Variants in ZNF251 observed in about 807,000 individuals in gnomAD.
The protein encoded by ZNF251 is zinc finger protein 251.
A neutral mutation model predicts 13.5 loss-of-function variants in ZNF251; 14 were observed. The observed-to-expected ratio is 1.04, with a 90% CI of 0.69 to 1.63. ZNF251 has a LOEUF of 1.63. ZNF251 is among the 40% of genes most tolerant of loss of function. The probability of loss-of-function intolerance (pLI) is 0.00; values close to 1 mark genes in which losing one functional copy is unlikely to be tolerated. For missense variants in ZNF251, 764 were observed against 834.9 expected, an observed-to-expected ratio of 0.92 and a Z score of 1.05; for synonymous variants, 287 against 295.2, an observed-to-expected ratio of 0.97 and a Z score of 0.28.
At chr8:144,752,706 T>G (rs1316736090) in intron 4 of ZNF251, among the ~76,000 whole-genome samples, 3 of 152,124 alleles carry the variant, frequency 2.0e-5, no homozygotes, top group Non-Finnish European at 4.4e-5. Flanking sequence ...ATGGGGAAAT[T>G]TTTGGTAAAA....
intron 4 of ZNF251, among the ~76,000 whole-genome samples, chr8:144,752,134 C>CAAAAAA (rs1563772285): frequency 5.5e-5 from 7 of 127,294 alleles, no homozygotes; most frequent in African/African-American, 2.3e-4. Flanking sequence ...AATAACTAGA[C>CAAAAAA]CAAAAAAAAA....
At chr8:144,727,916 G>A (rs576530068) in intron 4 of ZNF251, among the ~76,000 whole-genome samples, 11 of 152,252 alleles carry the variant, frequency 7.2e-5, no homozygotes, top group African/African-American at 2.4e-4. Flanking sequence ...GGGCTCAAGC[G>A]ATCCTCCTGT....
chr8:144,738,672 C>T (rs1824012686), intron 4 of ZNF251: 4 of 985,332 alleles, frequency 4.1e-6, no homozygotes, highest in Non-Finnish European at 4.8e-6. Flanking sequence ...GGAAACAGCA[C>T]AGTTCTCTCG....
intron 4 of ZNF251, among the ~76,000 whole-genome samples, chr8:144,746,328 T>A (rs1459829508): frequency 6.6e-6 from 1 of 152,240 alleles, no homozygotes; most frequent in African/African-American, 2.4e-5. Context: ...CTTGTAAACC[T>A]GGGACAAATC....
chr8:144,732,644 C>A (rs935924726), intron 4 of ZNF251, among the ~76,000 whole-genome samples: 1 of 151,650 alleles, frequency 6.6e-6, no homozygotes, highest in Admixed American at 6.6e-5. Context: ...AACCCCGTCT[C>A]TACTAAAAAT....
intron 4 of ZNF251, among the ~76,000 whole-genome samples, chr8:144,743,132 G>C (rs2730064): frequency 0.84 from 127,879 of 152,210 alleles, 54,266 homozygotes; most frequent in East Asian, 1. Context: ...GGCACCATCT[G>C]GGCTCACTGC....
chr8:144,728,205 GGA>G lies in ZNF251; in HGVS notation c.278-4825_278-4824del, dbSNP rs749741902. On this transcript the variant is annotated intron_variant, in intron 4 of 4. Coordinates refer to ENST00000292562, the MANE Select transcript of ZNF251 (RefSeq NM_138367.2). ...AGTCTCAGGGAATATGGAGGCCCTAGGAGAGAGAGAGGGAGGTAGGGAATGGC... is the reference window on the plus strand; with the variant it reads ...AGTCTCAGGGAATATGGAGGCCCTAGGAGAGAGAGGGAGGTAGGGAATGGC... Among the ~76,000 whole-genome samples the G allele has an allele frequency of 1.4e-3, 213 of 152,154 alleles. 1 individual carries two copies. The highest frequency in any genetic ancestry group is 4.9e-3 in the African/African-American group (202 of 41,502).
rs1824818814 is a variant in ZNF251 at position 144,753,802 on chromosome 8, G to A, written c.164-6C>T. 1 of 1,560,512 alleles carries A rather than the reference G, an allele frequency of 6.4e-7. No individual in the cohort carries two copies. Among genetic ancestry groups the A allele is most frequent in the Non-Finnish European group, 8.7e-7 (1 of 1,150,820 alleles). The stretch of plus-strand genomic sequence containing the variant: ...CGGCTTAGGGACAGGGAATCCTGTT[G>A]AGGATGAGGACACTGGTGAGCTGGC... On this transcript the variant is annotated splice_polypyrimidine_tract_variant and splice_region_variant and intron_variant, in intron 3 of 4. Transcript: ENST00000292562.
intron 4 of ZNF251, among the ~76,000 whole-genome samples, chr8:144,737,572 T>C (rs1823953133): frequency 6.6e-6 from 1 of 151,588 alleles, no homozygotes; most frequent in Non-Finnish European, 1.5e-5. Flanking sequence ...CTCACACCTG[T>C]AATCCCAGCA....
In ZNF251 at chr8:144,722,339, C is replaced by T. The variant is rs370789057; in HGVS notation, c.1321G>A (p.Ala441Thr). The part of the protein sequence containing the change: ...KPYVCNECGK[A>T]FRRSSTLVQH... ...ACAAGAGTGGAACTCCGACGAAAGGCTTTGCCGCACTCATTACAAACATAG... is the reference window on the plus strand; with the variant it reads ...ACAAGAGTGGAACTCCGACGAAAGGTTTTGCCGCACTCATTACAAACATAG... The change falls in exon 5 of 5, where the codon GCC (alanine) becomes ACC (threonine). Residue 441 changes from alanine (A) to threonine (T), a missense_variant. Transcript: ENST00000292562. This position sits in a 1 kb window ranked among gnomAD's most constrained non-coding sequence, Gnocchi z 4.8. The T allele has an allele frequency of 1.8e-5, 29 of 1,613,766 alleles. No individual in the cohort carries two copies. The highest frequency in any genetic ancestry group is 2.2e-5 in the Non-Finnish European group (26 of 1,179,812).
At chr8:144,745,730 G>A (rs1279559671) in intron 4 of ZNF251, among the ~76,000 whole-genome samples, 1 of 151,974 alleles carries the variant, frequency 6.6e-6, no homozygotes, top group Non-Finnish European at 1.5e-5. Context: ...AAATTTTTTT[G>A]TAGATATGGG....
chr8:144,721,241 A>G lies in ZNF251; in HGVS notation c.*403T>C, dbSNP rs992887325. On this transcript the variant is annotated 3_prime_UTR_variant, in exon 5 of 5. Transcript: ENST00000292562. ...AGCAGGCCCAAGTTCTCTGTACCAC[A>G]CTTGGAGGCAGGTATATGGGACTGA... 8.1e-6 allele frequency: 2 copies of G among 247,822 alleles called. No individual in the cohort carries two copies. Among genetic ancestry groups the G allele is most frequent in the Non-Finnish European group, 1.5e-5 (2 of 131,232 alleles). The allele number at this position is 247,822 out of a possible 1,614,324, so 15.4% of individuals were successfully genotyped here. A position where few individuals can be genotyped will look rare whatever the true frequency, so the allele number is the denominator to read the frequency against.
chr8:144,725,881 TCAA>T (rs1214946725), intron 4 of ZNF251, among the ~76,000 whole-genome samples: 5 of 152,140 alleles, frequency 3.3e-5, no homozygotes, highest in Non-Finnish European at 5.9e-5. Flanking sequence ...TAACACATCA[TCAA>T]CAAGTGGGTT....
chr8:144,738,636 A>G (rs1586694214), intron 4 of ZNF251: 1 of 985,442 alleles, frequency 1.0e-6, no homozygotes, highest in South Asian at 4.7e-5. Context: ...CCTTCTGCCC[A>G]TAGATTTAGA....
At chr8:144,739,901 A>G (rs901383420) in intron 4 of ZNF251, among the ~76,000 whole-genome samples, 2 of 152,084 alleles carry the variant, frequency 1.3e-5, no homozygotes, top group Non-Finnish European at 2.9e-5. Context: ...TTTCAAAAAA[A>G]AAAAAAGCAT....
At chr8:144,750,848 T>TC (rs1389331258) in intron 4 of ZNF251, among the ~76,000 whole-genome samples, 1 of 150,736 alleles carries the variant, frequency 6.6e-6, no homozygotes, top group Non-Finnish European at 1.5e-5. Context: ...TCTCCAGAGT[T>TC]TTTTTTTTTT....
rs927947373 is a variant in ZNF251 at position 144,734,300 on chromosome 8, C to T, written c.278-10918G>A. On this transcript the variant is annotated intron_variant, in intron 4 of 4. Coordinates refer to ENST00000292562, the MANE Select transcript of ZNF251 (RefSeq NM_138367.2). The surrounding 1 kb of genome is among the most constrained non-coding windows in gnomAD (Gnocchi z 4.4). ...CTGCAGGGCTGGTCATGACCCCTTG[C>T]AAATATCCATGCTTTGTCCCTGTGG... Among the ~76,000 whole-genome samples, 1 of 152,240 alleles carries T rather than the reference C, an allele frequency of 6.6e-6. No individual in the cohort carries two copies. The highest frequency in any genetic ancestry group is 1.5e-5 in the Non-Finnish European group (1 of 68,038).
chr8:144,743,515 G>T (rs1013519142), intron 4 of ZNF251, among the ~76,000 whole-genome samples: 1 of 152,236 alleles, frequency 6.6e-6, no homozygotes, highest in African/African-American at 2.4e-5. Context: ...GAATAAGGCT[G>T]CCGTAAATAT....
intron 1 of ZNF251, 37 bp downstream of exon 1, chr8:144,755,368 C>A: frequency 7.8e-7 from 1 of 1,287,152 alleles, no homozygotes; most frequent in Non-Finnish European, 1.0e-6. Context: ...GCCTGCCTGC[C>A]CGCTTGGCGC....
Sources: gnomAD v4.1 joint callset for allele counts (sites outside exome capture counted in the v4.1 genomes callset) on GRCh38, gnomAD v4.1.1 for gene constraint, Gnocchi (gnomAD v3.1) non-coding constraint, MANE v1.5 for transcripts, NCBI Gene and HGNC (gene_info 2026-07-23, HGNC 2026-07-21) for gene names.